Variants in ZP3 observed in about 807,000 individuals in gnomAD.
The protein encoded by ZP3 is zona pellucida glycoprotein 3.
A neutral mutation model predicts 35.6 loss-of-function variants in ZP3; 21 were observed. The ratio of observed to expected loss-of-function variants is 0.59; its 90% CI spans 0.42 to 0.85. ZP3 has a LOEUF of 0.85. Ranked by LOEUF, ZP3 falls within the 40% of genes least tolerant of loss-of-function variation. The pLI, the probability that ZP3 is intolerant of heterozygous loss-of-function variation, is 0.00. For synonymous variants in ZP3, 207 were observed against 214.5 expected (o/e 0.96, Z 0.31); for missense variants, 437 against 536.5 (o/e 0.81, Z 1.83).
At chr7:76,404,449 G>A (rs1171088291) in intron 1 of ZP3, 2 of 1,613,928 alleles carry the variant, frequency 1.2e-6, no homozygotes, top group African/African-American at 2.7e-5. Context: ...TCTAGATGGT[G>A]AAGGGTGTTT....
intron 5 of ZP3, among the ~76,000 whole-genome samples, chr7:76,436,184 TGA>T (rs1806002485): frequency 6.6e-6 from 1 of 151,544 alleles, no homozygotes; most frequent in African/African-American, 2.4e-5. Flanking sequence ...CCCAAGTAGC[TGA>T]GATTGTAGGC....
At chr7:76,431,770 G>T (rs1805831598) in intron 2 of ZP3, among the ~76,000 whole-genome samples, 1 of 152,016 alleles carries the variant, frequency 6.6e-6, no homozygotes, top group East Asian at 1.9e-4. Flanking sequence ...CTAGTGGCGG[G>T]TGCCTGTAGT....
At position 76,424,977 on chromosome 7, in the gene ZP3, T is replaced by G. The variant is rs757981555; in HGVS notation, c.13T>G (p.Tyr5Asp). ...CTCTGCAGGTACCATGGAGCTGAGCTATAGGCTCTTCATCTGCCTCCTGCT... is the reference window on the plus strand; with the variant it reads ...CTCTGCAGGTACCATGGAGCTGAGCGATAGGCTCTTCATCTGCCTCCTGCT... The part of the protein sequence containing the change: MELS[Y>D]RLFICLLLWG... The change falls in exon 1 of 8, where the codon TAT becomes GAT. Residue 5 changes from tyrosine to aspartate, a missense_variant. Tyr to Asp is a radical substitution (Grantham distance 160). Coordinates refer to ENST00000394857, the MANE Select transcript of ZP3 (RefSeq NM_001110354.2). The G allele has an allele frequency of 7.3e-5, 113 of 1,542,380 alleles. 1 individual carries two copies. In the Admixed American group the frequency reaches 2.1e-3, roughly 29 times the overall value.
At chr7:76,427,750 T>G (rs1036828672) in intron 1 of ZP3, among the ~76,000 whole-genome samples, 18 of 152,104 alleles carry the variant, frequency 1.2e-4, no homozygotes, top group African/African-American at 3.9e-4. Flanking sequence ...CCACCTGAGC[T>G]CTTGGGCAAC....
intron 2 of ZP3, 119 bp downstream of exon 2, chr7:76,429,752 C>A (rs1805775232): frequency 1.2e-6 from 1 of 845,980 alleles, no homozygotes; most frequent in Non-Finnish European, 2.0e-6. Flanking sequence ...CCTACCGAAG[C>A]ATTTGCAGCT....
intron 1 of ZP3, chr7:76,404,455 T>C: frequency 6.2e-7 from 1 of 1,613,676 alleles, no homozygotes; most frequent in Non-Finnish European, 8.5e-7. Flanking sequence ...TGGTGAAGGG[T>C]GTTTCAGATG....
intron 1 of ZP3, among the ~76,000 whole-genome samples, chr7:76,415,364 CAAAAA>C (rs528001072): frequency 1.6e-5 from 1 of 63,532 alleles, no homozygotes; most frequent in Non-Finnish European, 2.7e-5. Context: ...GACTCCGTCT[CAAAAA>C]AAAAAAAAAA....
chr7:76,440,388 G>C (rs781273562), intron 6 of ZP3, 47 bp downstream of exon 6: 13 of 1,611,632 alleles, frequency 8.1e-6, no homozygotes, highest in Non-Finnish European at 9.3e-6. Flanking sequence ...CTGAATCGGC[G>C]ACCCCTTGTC....
At position 76,410,188 on chromosome 7, in the gene ZP3, T is replaced by C. The variant is rs971444288; in HGVS notation, c.-67+12391T>C. Among the ~76,000 whole-genome samples the C allele has an allele frequency of 3.3e-5, 5 of 152,032 alleles. No individual in the cohort carries two copies. The East Asian group carries it at 9.7e-4, about 29-fold the overall frequency. Reference sequence around the variant, plus strand: ...CTGGGATTACAGGCATGCACCACCATGCCAGGCTAATTTTGTATTTTTAGT... The same window carrying C: ...CTGGGATTACAGGCATGCACCACCACGCCAGGCTAATTTTGTATTTTTAGT... On this transcript the variant is annotated intron_variant, in intron 1 of 8. Transcript: ENST00000336517.
At chr7:76,421,060 T>C (rs1805493346), upstream of ZP3, among the ~76,000 whole-genome samples, 1 of 151,892 alleles carries the variant, frequency 6.6e-6, no homozygotes. Flanking sequence ...CTCAGCCTCC[T>C]GAGTAGCTGG....
At chr7:76,437,454 G>A (rs1182686232) in intron 5 of ZP3, among the ~76,000 whole-genome samples, 10 of 150,130 alleles carry the variant, frequency 6.7e-5, no homozygotes, top group Non-Finnish European at 1.0e-4. Context: ...ACAGGCATGA[G>A]CTATCACACT....
intron 5 of ZP3, among the ~76,000 whole-genome samples, chr7:76,437,951 A>C (rs1217938596): frequency 6.6e-6 from 1 of 152,218 alleles, no homozygotes; most frequent in Non-Finnish European, 1.5e-5. Flanking sequence ...TCTTACTTGC[A>C]GGGCAGGTGG....
chr7:76,417,889 C>T (rs11983112), intron 1 of ZP3, among the ~76,000 whole-genome samples: 6,253 of 151,796 alleles, frequency 0.041, 398 homozygotes, highest in African/African-American at 0.14. Flanking sequence ...ACTGGGATTA[C>T]AGGCATGAGC....
chr7:76,399,228 G>A (rs1194062554), intron 1 of ZP3, among the ~76,000 whole-genome samples: 1 of 152,018 alleles, frequency 6.6e-6, no homozygotes, highest in African/African-American at 2.4e-5. Context: ...GGTCAGGCTG[G>A]TCTTGAACTC....
upstream of ZP3, among the ~76,000 whole-genome samples, chr7:76,420,257 T>C (rs1366386868): frequency 6.6e-6 from 1 of 152,014 alleles, no homozygotes; most frequent in Admixed American, 6.6e-5. Context: ...CCTCAAGAAA[T>C]CCTCCTGCTT....
chr7:76,441,216 A>C (rs1284303764), intron 7 of ZP3, among the ~76,000 whole-genome samples: 1 of 151,602 alleles, frequency 6.6e-6, no homozygotes, highest in African/African-American at 2.4e-5. Context: ...TTGTGCCTAT[A>C]ATCCTAGCAC....
chr7:76,410,493 C>T (rs1435098439), intron 1 of ZP3, among the ~76,000 whole-genome samples: 2 of 150,290 alleles, frequency 1.3e-5, no homozygotes, highest in East Asian at 2.0e-4. Flanking sequence ...GTTGGGATTA[C>T]AGGCATGAGC....
At chr7:76,440,970 G>C (rs578032436) in intron 7 of ZP3, among the ~76,000 whole-genome samples, 1 of 152,028 alleles carries the variant, frequency 6.6e-6, no homozygotes, top group Non-Finnish European at 1.5e-5. Context: ...TCAGGAGTTC[G>C]AGACCAGCCT....
intron 1 of ZP3, among the ~76,000 whole-genome samples, chr7:76,399,719 G>A (rs1804753645): frequency 2.6e-5 from 4 of 151,948 alleles, no homozygotes; most frequent in African/African-American, 7.2e-5. Flanking sequence ...GTAGAGATAA[G>A]GTACTATGTT....
Sources: allele counts gnomAD v4.1 joint callset (sites outside exome capture counted in the v4.1 genomes callset), GRCh38; gene constraint gnomAD v4.1.1; transcripts MANE v1.5; gene names NCBI Gene and HGNC (gene_info 2026-07-23, HGNC 2026-07-21).